NUDT6: variants seen among roughly 807,000 people sequenced by gnomAD.
The protein encoded by NUDT6 is FAD diphosphatase NUDT6.
In NUDT6, 24 loss-of-function variants were observed where a neutral mutation model predicts 36.8. That is an observed-to-expected ratio of 0.65 (90% CI 0.47 to 0.92). The LOEUF is 0.92. Ranked by LOEUF, NUDT6 falls within the 40% of genes least tolerant of loss-of-function variation. The pLI is 0.00. For synonymous variants in NUDT6, 163 were observed against 157.0 expected, an observed-to-expected ratio of 1.04 and a Z score of -0.29; for missense variants, 388 against 392.8, an observed-to-expected ratio of 0.99 and a Z score of 0.10.
intron 2 of NUDT6, among the ~76,000 whole-genome samples, chr4:122,915,065 G>A (rs1394642203): frequency 6.6e-6 from 1 of 152,014 alleles, no homozygotes; most frequent in Non-Finnish European, 1.5e-5. Flanking sequence ...CAGAAACTTC[G>A]GCTATGAAGA....
chr4:122,900,719 C>G (rs1727504993), intron 3 of NUDT6, among the ~76,000 whole-genome samples: 1 of 152,052 alleles, frequency 6.6e-6, no homozygotes, highest in Non-Finnish European at 1.5e-5. Flanking sequence ...TTCCTGGGAC[C>G]TAATTGGAAC....
At chr4:122,900,699 T>C (rs1727504419) in intron 3 of NUDT6, among the ~76,000 whole-genome samples, 1 of 151,824 alleles carries the variant, frequency 6.6e-6, no homozygotes, top group African/African-American at 2.4e-5. Flanking sequence ...TTCATATACC[T>C]TTTAATCTCT....
At chr4:122,901,870 A>G (rs1321615286) in intron 3 of NUDT6, among the ~76,000 whole-genome samples, 1 of 152,160 alleles carries the variant, frequency 6.6e-6, no homozygotes, top group African/African-American at 2.4e-5. Context: ...AAGTTTGTAT[A>G]AACACAACCC....
intron 2 of NUDT6, among the ~76,000 whole-genome samples, chr4:122,917,146 T>C (rs1349430211): frequency 6.6e-6 from 1 of 152,214 alleles, no homozygotes; most frequent in Non-Finnish European, 1.5e-5. Flanking sequence ...AAACAATATT[T>C]TGAGAGAGAC....
In NUDT6 at chr4:122,917,664, T is replaced by A; in HGVS notation, c.279A>T (p.Val93=). Residue 93 remains valine, a synonymous_variant, in exon 2 of 5, where the codon GTA becomes GTT. Coordinates refer to ENST00000304430, the MANE Select transcript of NUDT6 (RefSeq NM_007083.5). ...QQWRSEGRTA[V]WLHIPILQSR... The stretch of plus-strand genomic sequence containing the variant: ...TTTGGAGGATGGGAATGTGCAGCCA[T>A]ACAGCTGTTCTACCTTCTGATCGCC... 2 of 1,614,168 alleles carry A rather than the reference T, an allele frequency of 1.2e-6. No homozygotes were observed. Among genetic ancestry groups the A allele is most frequent in the South Asian group, 1.1e-5 (1 of 91,086 alleles).
chr4:122,911,973 C>T (rs1727740877), intron 3 of NUDT6, among the ~76,000 whole-genome samples: 1 of 152,116 alleles, frequency 6.6e-6, no homozygotes. Context: ...CTATGTCAGT[C>T]CCTTTCTGAG....
intron 2 of NUDT6, among the ~76,000 whole-genome samples, chr4:122,915,950 C>T (rs1265801466): frequency 6.6e-6 from 1 of 152,074 alleles, no homozygotes; most frequent in Non-Finnish European, 1.5e-5. Context: ...AGCAAACTAC[C>T]TTAAAAACTC....
At chr4:122,917,739 A>C in intron 1 of NUDT6, 35 bp from the exon 2 acceptor site, 1 of 1,597,542 alleles carries the variant, frequency 6.3e-7, no homozygotes. Flanking sequence ...AATAATTTCC[A>C]AAGAGACGAG....
chr4:122,894,664 T>C (rs1052173563), intron 4 of NUDT6: 2 of 152,238 alleles, frequency 1.3e-5, no homozygotes, highest in Non-Finnish European at 2.9e-5. Flanking sequence ...AAATTTATTA[T>C]TTAAGATGGT....
chr4:122,901,047 T>C (rs1241167570), intron 3 of NUDT6, among the ~76,000 whole-genome samples: 2 of 152,172 alleles, frequency 1.3e-5, no homozygotes. Flanking sequence ...AAGTGTAAAA[T>C]TCCATGATCC....
At chr4:122,922,293 A>G in intron 1 of NUDT6, 42 bp downstream of exon 1, 1 of 1,535,136 alleles carries the variant, frequency 6.5e-7, no homozygotes, top group Admixed American at 1.9e-5. Flanking sequence ...TCATTAGAAA[A>G]GCTCTGGAGC....
rs574050883 is a variant in NUDT6, at chr4:122,922,472, C to T, written c.101G>A (p.Gly34Asp). Reference sequence around the variant, plus strand: ...TCCAACTGGCGGATTCCGCACGTAACCCTGTGCGCCCGAGGCCCAGCGGTA... The same window carrying T: ...TCCAACTGGCGGATTCCGCACGTAATCCTGTGCGCCCGAGGCCCAGCGGTA... ...AGYRWASGAQ[G>D]YVRNPPVGAC... The change falls in exon 1 of 5, where the codon GGT (glycine) becomes GAT (aspartate). Residue 34 changes from glycine (G) to aspartate (D), a missense_variant. Gly to Asp is a moderately conservative substitution (Grantham distance 94). Transcript: ENST00000304430. 2 of 1,611,802 alleles carry T rather than the reference C, an allele frequency of 1.2e-6. No individual in the cohort carries two copies. The highest frequency in any genetic ancestry group is 1.7e-5 in the Admixed American group (1 of 60,000).
intron 3 of NUDT6, among the ~76,000 whole-genome samples, chr4:122,902,409 C>G (rs991101614): frequency 6.6e-6 from 1 of 152,126 alleles, no homozygotes; most frequent in Non-Finnish European, 1.5e-5. Flanking sequence ...TGAATGTAAG[C>G]TCCATATGTA....
At chr4:122,894,663 ATTT>A (rs1727296169) in intron 4 of NUDT6, 1 of 152,238 alleles carries the variant, frequency 6.6e-6, no homozygotes, top group African/African-American at 2.4e-5. Flanking sequence ...TAAATTTATT[ATTT>A]AAGATGGTAG....
At chr4:122,908,728 G>A (rs1038617723) in intron 3 of NUDT6, among the ~76,000 whole-genome samples, 3 of 152,000 alleles carry the variant, frequency 2.0e-5, no homozygotes, top group Non-Finnish European at 4.4e-5. Flanking sequence ...TCCATTAACA[G>A]AATTAATAAA....
intron 3 of NUDT6, among the ~76,000 whole-genome samples, chr4:122,899,970 T>C (rs1394940778): frequency 1.3e-5 from 2 of 151,900 alleles, no homozygotes; most frequent in Non-Finnish European, 2.9e-5. Context: ...AAGCCAGTGC[T>C]GCGGGCATTT....
At chr4:122,898,797 C>T (rs151333979) in intron 3 of NUDT6, among the ~76,000 whole-genome samples, 1 of 152,266 alleles carries the variant, frequency 6.6e-6, no homozygotes, top group East Asian at 1.9e-4. Flanking sequence ...CTTCTAGATT[C>T]CATTTGGAAA....
intron 1 of NUDT6, chr4:122,922,002 T>C (rs1314794123): frequency 1.4e-5 from 4 of 293,494 alleles, no homozygotes; most frequent in African/African-American, 8.6e-5. Flanking sequence ...TAACTCTCAG[T>C]AATTCCAGGA....
intron 3 of NUDT6, among the ~76,000 whole-genome samples, chr4:122,910,087 A>G (rs1727702989): frequency 6.6e-6 from 1 of 152,164 alleles, no homozygotes; most frequent in African/African-American, 2.4e-5. Flanking sequence ...TTAACAGAGA[A>G]CCATAAAAGT....
Sources: gnomAD v4.1 joint callset for allele counts (sites outside exome capture counted in the v4.1 genomes callset) on GRCh38, gnomAD v4.1.1 for gene constraint, MANE v1.5 for transcripts, NCBI Gene and HGNC (gene_info 2026-07-23, HGNC 2026-07-21) for gene names.